SH2D4A: variants seen among roughly 807,000 people sequenced by gnomAD.
The protein encoded by SH2D4A is SH2 domain-containing protein 4A.
A neutral mutation model predicts 64.7 loss-of-function variants in SH2D4A; 70 were observed. The observed-to-expected ratio is 1.08, with a 90% CI of 0.89 to 1.32. The LOEUF is 1.32. Ranked by LOEUF, SH2D4A falls within the 40% of genes most tolerant of loss-of-function variation. The probability of loss-of-function intolerance (pLI) is 0.00; values close to 1 mark genes in which losing one functional copy is unlikely to be tolerated. For missense variants in SH2D4A, 706 were observed against 540.1 expected (o/e 1.31, Z -3.04); for synonymous variants, 268 against 200.7 (o/e 1.34, Z -2.83).
chr8:19,317,303 A>ATTTTTT (rs761621347), intron 1 of SH2D4A, among the ~76,000 whole-genome samples: 24 of 97,378 alleles, frequency 2.5e-4, no homozygotes, highest in African/African-American at 6.8e-4. Flanking sequence ...CAAGACATCC[A>ATTTTTT]TTTTTTTTTT....
rs768131326 is a variant in SH2D4A, at chr8:19,357,255, A to G, written c.566A>G (p.Asn189Ser). ...CAACAAATGTTGGCAGATTCAATCA[A>G]TCGTATGAAGGCATATGCATTTCAC... Reference protein sequence around the residue: ...NIQQMLADSINRMKAYAFHQK... With the variant: ...NIQQMLADSISRMKAYAFHQK... Residue 189 changes from asparagine to serine, a missense_variant, in exon 5 of 10, where the codon AAT becomes AGT. Coordinates refer to ENST00000265807, the MANE Select transcript of SH2D4A (RefSeq NM_022071.4). 33 of 1,613,862 alleles carry G rather than the reference A, an allele frequency of 2.0e-5. No individual in the cohort carries two copies. Among genetic ancestry groups the G allele is most frequent in the Non-Finnish European group, 2.5e-5 (30 of 1,179,864 alleles).
intron 4 of SH2D4A, among the ~76,000 whole-genome samples, chr8:19,338,276 C>T (rs536439206): frequency 3.7e-4 from 57 of 152,196 alleles, no homozygotes; most frequent in Non-Finnish European, 6.9e-4. Flanking sequence ...CTCACCTCCT[C>T]GTGCTGTAGA....
intron 6 of SH2D4A, among the ~76,000 whole-genome samples, chr8:19,362,743 A>G (rs749430508): frequency 6.6e-6 from 1 of 152,160 alleles, no homozygotes; most frequent in South Asian, 2.1e-4. Flanking sequence ...GAGTCTCAAA[A>G]ACAAAACAAA....
rs149704917 is a variant in SH2D4A at position 19,389,787 on chromosome 8, T to A, written c.1049-3531T>A. The stretch of plus-strand genomic sequence containing the variant: ...CAGGCATGGTGGCACGTGCTTGCAG[T>A]CCCAGGTACCCAGGAGGTTGAGGCT... On this transcript the variant is annotated intron_variant, in intron 8 of 9. Transcript: ENST00000265807. Among the ~76,000 whole-genome samples, 134 of 152,230 alleles carry A rather than the reference T, an allele frequency of 8.8e-4. 1 individual carries two copies. The highest frequency in any genetic ancestry group is 3.0e-3 in the African/African-American group (123 of 41,524).
intron 8 of SH2D4A, among the ~76,000 whole-genome samples, chr8:19,388,380 G>C (rs2053426108): frequency 6.6e-6 from 1 of 152,190 alleles, no homozygotes; most frequent in African/African-American, 2.4e-5. Flanking sequence ...TGGTATGCCA[G>C]GGCAAAGCAG....
At chr8:19,360,421 C>G (rs1176774642) in intron 5 of SH2D4A, among the ~76,000 whole-genome samples, 1 of 151,700 alleles carries the variant, frequency 6.6e-6, no homozygotes, top group Admixed American at 6.6e-5. Context: ...CGAGACCAGC[C>G]TGGCCAACAT....
At chr8:19,346,561 A>C (rs1056813179) in intron 4 of SH2D4A, among the ~76,000 whole-genome samples, 3 of 152,216 alleles carry the variant, frequency 2.0e-5, no homozygotes, top group Admixed American at 6.5e-5. Flanking sequence ...TGCACAATAA[A>C]TGTAATGCAC....
chr8:19,338,091 G>A (rs1183780900), intron 4 of SH2D4A, among the ~76,000 whole-genome samples: 1 of 152,166 alleles, frequency 6.6e-6, no homozygotes, highest in African/African-American at 2.4e-5. Context: ...CCAAGTTTAT[G>A]GCCATTCATT....
rs1228787449 is a variant in SH2D4A at position 19,373,600 on chromosome 8, C to A, written c.988C>A (p.Gln330Lys). Residue 330 changes from glutamine (Q) to lysine (K), a missense_variant, in exon 8 of 10, where the codon CAG becomes AAG. Coordinates refer to ENST00000265807, the MANE Select transcript of SH2D4A (RefSeq NM_022071.4). ...CATCATCCGGTGGTTTAAAGAGGAG[C>A]AGCTACCACTTCGAGCGGGCTACCA... The part of the protein sequence containing the change: ...EDIIRWFKEE[Q>K]LPLRAGYQKT... The A allele has an allele frequency of 1.9e-6, 3 of 1,613,334 alleles. No homozygotes were observed. Among genetic ancestry groups the A allele is most frequent in the Non-Finnish European group, 2.5e-6 (3 of 1,179,636 alleles).
At position 19,339,495 on chromosome 8, in the gene SH2D4A, C is replaced by CTTT. The variant is rs5889867; in HGVS notation, c.513+4654_513+4656dup. Among the ~76,000 whole-genome samples, 425 of 128,980 alleles carry CTTT rather than the reference C, an allele frequency of 3.3e-3. 3 individuals carry two copies. Among genetic ancestry groups the CTTT allele is most frequent in the African/African-American group, 4.3e-3 (147 of 33,904 alleles). The allele number at this position is 128,980 out of a possible 152,430, so 84.6% of individuals were successfully genotyped here. A position where few individuals can be genotyped will look rare whatever the true frequency, so the allele number is the denominator to read the frequency against. Reference sequence around the variant, plus strand: ...CACTTTCCTCTTCCCTATAAACTTTCTTTTTTTTTTTTTTTTTTCTTTTTG... The same window carrying CTTT: ...CACTTTCCTCTTCCCTATAAACTTTCTTTTTTTTTTTTTTTTTTTTTCTTTTTG... On this transcript the variant is annotated intron_variant, in intron 4 of 9. Transcript: ENST00000265807.
rs754543439 is a variant in SH2D4A, at chr8:19,334,756, G to A, written c.412G>A (p.Asp138Asn). The change falls in exon 4 of 10, where the codon GAT (aspartate) becomes AAT (asparagine). Residue 138 changes from aspartate to asparagine, a missense_variant. Transcript: ENST00000265807. The part of the protein sequence containing the change: ...KSQYHDLQAP[D>N]NQQTKDIWKK... ...ACAGTACCATGATCTGCAGGCTCCGGATAACCAGCAGACTAAAGACATCTG... is the reference window on the plus strand; with the variant it reads ...ACAGTACCATGATCTGCAGGCTCCGAATAACCAGCAGACTAAAGACATCTG... The A allele has an allele frequency of 2.4e-5, 39 of 1,614,010 alleles. No homozygotes were observed. The highest frequency in any genetic ancestry group is 3.1e-5 in the Non-Finnish European group (37 of 1,180,028).
chr8:19,361,130 G>T (rs2052877475), intron 5 of SH2D4A, 73 bp from the exon 6 acceptor site: 4 of 809,584 alleles, frequency 4.9e-6, no homozygotes, highest in Non-Finnish European at 7.6e-6. Flanking sequence ...TCAGGAAACT[G>T]CTGGATTTGC....
At chr8:19,382,012 T>C (rs1468480292) in intron 8 of SH2D4A, among the ~76,000 whole-genome samples, 2 of 152,202 alleles carry the variant, frequency 1.3e-5, no homozygotes, top group African/African-American at 2.4e-5. Context: ...CCTGTTGATA[T>C]GCTGCTGGAT....
At chr8:19,393,755 C>G (rs2053539127) in intron 9 of SH2D4A, among the ~76,000 whole-genome samples, 1 of 152,062 alleles carries the variant, frequency 6.6e-6, no homozygotes, top group African/African-American at 2.4e-5. Flanking sequence ...CTCAGGGAAC[C>G]CCACTGGGGC....
intron 1 of SH2D4A, among the ~76,000 whole-genome samples, chr8:19,315,246 C>T (rs2052067948): frequency 6.6e-6 from 1 of 152,140 alleles, no homozygotes; most frequent in African/African-American, 2.4e-5. Context: ...AGAGATCCCC[C>T]CACCTCAACC....
chr8:19,360,786 G>C (rs1023519768), intron 5 of SH2D4A: 1 of 153,272 alleles, frequency 6.5e-6, no homozygotes, highest in African/African-American at 2.4e-5. Context: ...CTAGTTCTAT[G>C]TAATAGTGTG....
Position 19,394,587 on chromosome 8 carries a change from T to A in SH2D4A, c.1310T>A (p.Leu437His). ...PITSLGKELLLYPCGQQDQLP... is the reference protein window; with the variant it reads ...PITSLGKELLHYPCGQQDQLP... The stretch of plus-strand genomic sequence containing the variant: ...ACTTCCCTGGGGAAGGAGCTCCTTC[T>A]CTATCCCTGTGGTCAGCAGGACCAG... Residue 437 changes from leucine to histidine, a missense_variant, in exon 10 of 10, where the codon CTC (leucine) becomes CAC (histidine). Coordinates refer to ENST00000265807, the MANE Select transcript of SH2D4A (RefSeq NM_022071.4). The A allele has an allele frequency of 1.9e-6, 3 of 1,608,320 alleles. No homozygotes were observed. Among genetic ancestry groups the A allele is most frequent in the Non-Finnish European group, 2.5e-6 (3 of 1,176,924 alleles).
chr8:19,369,056 G>C (rs1186393793), intron 7 of SH2D4A, among the ~76,000 whole-genome samples: 1 of 152,034 alleles, frequency 6.6e-6, no homozygotes, highest in African/African-American at 2.4e-5. Context: ...TTGAATTTTA[G>C]TAAATGCTTT....
chr8:19,362,535 T>C (rs2052908813), intron 6 of SH2D4A, among the ~76,000 whole-genome samples: 1 of 151,812 alleles, frequency 6.6e-6, no homozygotes, highest in African/African-American at 2.4e-5. Flanking sequence ...AGGTCATGAG[T>C]TCAAGACCAG....
Sources: allele counts gnomAD v4.1 joint callset (sites outside exome capture counted in the v4.1 genomes callset), GRCh38; gene constraint gnomAD v4.1.1; transcripts MANE v1.5; gene names NCBI Gene and HGNC (gene_info 2026-07-23, HGNC 2026-07-21).